Variants in FCRL1 observed in about 807,000 individuals in gnomAD.
The protein encoded by FCRL1 is Fc receptor-like protein 1.
Under a neutral mutation model 49.2 loss-of-function variants are expected in FCRL1, and 34 were observed. That is an observed-to-expected ratio of 0.69 (90% CI 0.53 to 0.92). The LOEUF is 0.92. FCRL1 is among the 40% of genes least tolerant of loss of function. The pLI, the probability that FCRL1 is intolerant of heterozygous loss-of-function variation, is 0.00. For synonymous variants in FCRL1, 218 were observed against 201.6 expected (o/e 1.08, Z -0.69); for missense variants, 524 against 524.1 (o/e 1.00, Z 0.00).
In FCRL1 at chr1:157,802,041, C is replaced by A. The variant is rs757915017; in HGVS notation, c.760G>T (p.Ala254Ser). The change falls in exon 5 of 11, where the codon GCC becomes TCC. Residue 254 changes from alanine to serine, a missense_variant. Transcript: ENST00000368176. Reference protein sequence around the residue: ...HEDITLGSRSAPSGGGASFNL... With the variant: ...HEDITLGSRSSPSGGGASFNL... Reference sequence around the variant, plus strand: ...AAGGAGGCTCCTCCTCCAGAGGGGGCCGACCTGCTCCCCAGGGTGATATCC... The same window carrying A: ...AAGGAGGCTCCTCCTCCAGAGGGGGACGACCTGCTCCCCAGGGTGATATCC... 6.2e-7 allele frequency: 1 copy of A among 1,614,214 alleles called. No homozygotes were observed. Among genetic ancestry groups the A allele is most frequent in the Non-Finnish European group, 8.5e-7 (1 of 1,180,038 alleles).
Position 157,800,066 on chromosome 1 carries a change from A to T in FCRL1, c.1023T>A (p.Asp341Glu), listed in dbSNP as rs1296149290. The change falls in exon 7 of 11, where the codon GAT (aspartate) becomes GAA (glutamate). Residue 341 changes from aspartate to glutamate, a missense_variant. Asp to Glu is a conservative substitution (Grantham distance 45). Coordinates refer to ENST00000368176, the MANE Select transcript of FCRL1 (RefSeq NM_052938.5). ...GTGAAAACAGGCCTCACCTGAGTGG[A>T]TCCCTGGCTGAACGTCTTCCTGAAA... ...KRKIGRRSARDPLRSLPSPLP... is the reference protein window; with the variant it reads ...KRKIGRRSAREPLRSLPSPLP... 2.5e-6 allele frequency: 4 copies of T among 1,613,364 alleles called. No homozygotes were observed. The East Asian group carries it at 6.7e-5, about 27-fold the overall frequency.
intron 1 of FCRL1, among the ~76,000 whole-genome samples, chr1:157,812,678 C>G (rs1654490984): frequency 6.6e-6 from 1 of 152,116 alleles, no homozygotes; most frequent in Non-Finnish European, 1.5e-5. Context: ...CTGTGTCCAT[C>G]TATACCTAAG....
intron 1 of FCRL1, among the ~76,000 whole-genome samples, chr1:157,816,364 C>A (rs1655020247): frequency 6.6e-6 from 1 of 151,736 alleles, no homozygotes. Flanking sequence ...TCAATACATG[C>A]ACAAAAAGCA....
rs752199052 is a variant in FCRL1 at position 157,797,921 on chromosome 1, T to C, written c.1133A>G (p.Asp378Gly). 5 of 1,613,988 alleles carry C rather than the reference T, an allele frequency of 3.1e-6. No homozygotes were observed. The highest frequency in any genetic ancestry group is 4.2e-6 in the Non-Finnish European group (5 of 1,180,020). Residue 378 changes from aspartate to glycine, a missense_variant, in exon 9 of 11, where the codon GAT (aspartate) becomes GGT (glycine). By Grantham distance (94) the Asp-to-Gly change is moderately conservative (BLOSUM62 -1). Transcript: ENST00000368176. ...IYENVNVVSGDEVYSLAYYNQ... is the reference protein window; with the variant it reads ...IYENVNVVSGGEVYSLAYYNQ... ...ATAGTACGCCAGTGAATAAACCTCA[T>C]CCCCACTTACAACATTCACTGCAAG... is the stretch of plus-strand genomic sequence containing the variant.
chr1:157,817,067 A>AATT (rs202028487), intron 1 of FCRL1, among the ~76,000 whole-genome samples: 2,342 of 152,186 alleles, frequency 0.015, 50 homozygotes, highest in African/African-American at 0.054. Context: ...ATACTGTTAA[A>AATT]ATGTCAATAC....
chr1:157,802,586 A>G lies in FCRL1; in HGVS notation c.398T>C (p.Ile133Thr), dbSNP rs1318507989. 1 of 1,614,220 alleles carries G rather than the reference A, an allele frequency of 6.2e-7. No individual in the cohort carries two copies. The highest frequency in any genetic ancestry group is 8.5e-7 in the Non-Finnish European group (1 of 1,180,036). ...TCCTGTGCCCATAGCAACTGAGCAGATGAGGACCAGCCTGTCTCCCTCCAT... is the reference window on the plus strand; with the variant it reads ...TCCTGTGCCCATAGCAACTGAGCAGGTGAGGACCAGCCTGTCTCCCTCCAT... ...QVMEGDRLVLICSVAMGTGDI... is the reference protein window; with the variant it reads ...QVMEGDRLVLTCSVAMGTGDI... Residue 133 changes from isoleucine to threonine, a missense_variant, in exon 4 of 11, where the codon ATC (isoleucine) becomes ACC (threonine). Physicochemically the swap from Ile to Thr is moderately conservative, Grantham distance 89. Coordinates refer to ENST00000368176, the MANE Select transcript of FCRL1 (RefSeq NM_052938.5).
chr1:157,809,044 C>A (rs915366098), intron 1 of FCRL1, among the ~76,000 whole-genome samples: 1 of 151,950 alleles, frequency 6.6e-6, no homozygotes. Flanking sequence ...CTGTTAAACA[C>A]CTGATGTTAA....
chr1:157,807,064 C>T (rs892939073), intron 2 of FCRL1, 38 bp downstream of exon 2: 1 of 1,612,786 alleles, frequency 6.2e-7, no homozygotes, highest in South Asian at 1.1e-5. Context: ...TAACAAAATA[C>T]CCACAGACCT....
In FCRL1 at chr1:157,800,097, A is replaced by G; in HGVS notation, c.1004-12T>C. The G allele has an allele frequency of 6.2e-7, 1 of 1,613,020 alleles. No individual in the cohort carries two copies. The highest frequency in any genetic ancestry group is 8.5e-7 in the Non-Finnish European group (1 of 1,179,268). On this transcript the variant is annotated splice_polypyrimidine_tract_variant and intron_variant, in intron 6 of 10. Coordinates refer to ENST00000368176, the MANE Select transcript of FCRL1 (RefSeq NM_052938.5). ...GGCTGAACGTCTTCCTGAAAGAAAA[A>G]CAAATGAGCATACACATAAATGGAA...
chr1:157,797,002 G>T, intron 10 of FCRL1, 99 bp downstream of exon 10: 1 of 1,156,452 alleles, frequency 8.6e-7, no homozygotes, highest in East Asian at 2.4e-5. Flanking sequence ...TAGACCATGG[G>T]ATTTTTGCTC....
chr1:157,803,695 C>G, intron 3 of FCRL1, 150 bp downstream of exon 3: 1 of 1,015,042 alleles, frequency 9.9e-7, no homozygotes, highest in Non-Finnish European at 1.4e-6. Context: ...AAGGGAAGAT[C>G]CCTTAAGGAT....
chr1:157,801,324 G>T, intron 6 of FCRL1, 137 bp downstream of exon 6: 1 of 674,906 alleles, frequency 1.5e-6, no homozygotes. Flanking sequence ...GTTCCTACCC[G>T]CTGGCTTTGT....
chr1:157,797,563 A>C (rs992061430), intron 9 of FCRL1: 1 of 616,084 alleles, frequency 1.6e-6, no homozygotes, highest in South Asian at 2.0e-5. Flanking sequence ...TTGTAACTAC[A>C]TGTTTTACCT....
At chr1:157,812,431 T>C (rs137872923) in intron 1 of FCRL1, among the ~76,000 whole-genome samples, 16 of 152,266 alleles carry the variant, frequency 1.1e-4, no homozygotes, top group Admixed American at 5.2e-4. Flanking sequence ...GTCACCAGTA[T>C]GTAATACACT....
intron 3 of FCRL1, among the ~76,000 whole-genome samples, chr1:157,803,562 A>G (rs79830366): frequency 2.0e-5 from 3 of 152,260 alleles, no homozygotes; most frequent in Non-Finnish European, 4.4e-5. Flanking sequence ...CTAAGCATCA[A>G]CTTCGTGTAG....
At chr1:157,813,519 T>C (rs575592472) in intron 1 of FCRL1, among the ~76,000 whole-genome samples, 27 of 152,330 alleles carry the variant, frequency 1.8e-4, no homozygotes, top group Non-Finnish European at 2.4e-4. Context: ...AACTTGAATA[T>C]AGATCTTTTG....
rs968689296 is a variant in FCRL1, at chr1:157,804,203, A to G, written c.53-92T>C. 2.7e-6 allele frequency: 4 copies of G among 1,504,490 alleles called. No homozygotes were observed. The African/African-American group carries it at 5.5e-5, about 21-fold the overall frequency. 93.2% of individuals were successfully genotyped at this position (1,504,490 alleles called of 1,614,324 possible). On this transcript the variant is annotated intron_variant, in intron 2 of 10. Transcript: ENST00000368176. The stretch of plus-strand genomic sequence containing the variant: ...TCTCAGCACTTGCCAACAAGACTCA[A>G]AGAAACAGCCAGTTGGACACACAGG...
chr1:157,813,779 T>C (rs1195475620), intron 1 of FCRL1, among the ~76,000 whole-genome samples: 1 of 152,110 alleles, frequency 6.6e-6, no homozygotes, highest in African/African-American at 2.4e-5. Flanking sequence ...AGAGGTCCTC[T>C]CCAAGGTCAT....
chr1:157,807,835 CTG>C (rs1016761398), intron 1 of FCRL1, among the ~76,000 whole-genome samples: 1 of 152,152 alleles, frequency 6.6e-6, no homozygotes, highest in African/African-American at 2.4e-5. Flanking sequence ...AGCTGTGTGA[CTG>C]TGGGAGAAAT....
Sources: allele counts gnomAD v4.1 joint callset (sites outside exome capture counted in the v4.1 genomes callset), GRCh38; gene constraint gnomAD v4.1.1; transcripts MANE v1.5; gene names NCBI Gene and HGNC (gene_info 2026-07-23, HGNC 2026-07-21).